Variants in ZAN observed in about 807,000 individuals in gnomAD.
The protein encoded by ZAN is zonadhesin (gene/pseudogene).
In ZAN, 260 loss-of-function variants were observed where a neutral mutation model predicts 286.2. The observed-to-expected ratio is 0.91, with a 90% CI of 0.82 to 1.01. The LOEUF (loss-of-function observed/expected upper bound fraction) is 1.01. Among genes scored for constraint, ZAN ranks in the 50% least tolerant of loss-of-function variants. The probability of loss-of-function intolerance (pLI) is 0.00; values close to 1 mark genes in which losing one functional copy is unlikely to be tolerated. For missense variants in ZAN, 3,410 were observed against 3,639.2 expected (o/e 0.94, Z 1.62); for synonymous variants, 1,368 against 1,417.5 (o/e 0.97, Z 0.79).
At chr7:100,755,161 G>T in intron 14 of ZAN, 65 bp from the exon 15 acceptor site, 1 of 1,514,960 alleles carries the variant, frequency 6.6e-7, no homozygotes, top group Non-Finnish European at 8.9e-7. Flanking sequence ...GGGTAGAGGA[G>T]AGACAGGGAG....
chr7:100,795,480 C>T (rs1812302829), intron 45 of ZAN, 144 bp downstream of exon 45: 4 of 780,014 alleles, frequency 5.1e-6, no homozygotes, highest in Non-Finnish European at 6.6e-6. Flanking sequence ...ATAAACATAA[C>T]AATTTGTAGC....
chr7:100,745,234 C>T (rs1455655619), intron 7 of ZAN, among the ~76,000 whole-genome samples: 6 of 151,666 alleles, frequency 4.0e-5, no homozygotes, highest in African/African-American at 7.3e-5. Flanking sequence ...CCTTTCCCTT[C>T]CCTCTTCCTT....
At chr7:100,784,176 C>A (rs531037780) in intron 35 of ZAN, among the ~76,000 whole-genome samples, 31 of 144,670 alleles carry the variant, frequency 2.1e-4, no homozygotes, top group Non-Finnish European at 4.2e-4. Context: ...GTTGCCCAGG[C>A]TGGAGTGCAG....
At position 100,758,636 on chromosome 7, in the gene ZAN, G is replaced by A; in HGVS notation, c.3557G>A (p.Cys1186Tyr). The A allele has an allele frequency of 3.9e-6, 6 of 1,555,408 alleles. No individual in the cohort carries two copies. In the South Asian group the frequency reaches 7.1e-5, roughly 18 times the overall value. ...TGCACTTACATCTTGGCCCAGCCCT[G>A]TGGCAACTCAACAGGTAGGCCCTGG... Reference protein sequence around the residue: ...GKCTYILAQPCGNSTDPFFRV... With the variant: ...GKCTYILAQPYGNSTDPFFRV... Residue 1186 changes from cysteine to tyrosine, a missense_variant, in exon 17 of 48, where the codon TGT becomes TAT. This residue lies in a region of ZAN where 1,042 missense variants were observed against 1,058.0 expected (regional missense o/e 0.98). Coordinates refer to ENST00000613979, the MANE Select transcript of ZAN (RefSeq NM_003386.3).
At chr7:100,782,022 T>C (rs991602305) in intron 35 of ZAN, among the ~76,000 whole-genome samples, 3 of 152,188 alleles carry the variant, frequency 2.0e-5, no homozygotes, top group Non-Finnish European at 2.9e-5. Context: ...ACCCTTTGAA[T>C]TTCCCTTTCT....
At chr7:100,775,232 T>A (rs939854692) in intron 31 of ZAN, 96 bp from the exon 32 acceptor site, 8 of 1,493,876 alleles carry the variant, frequency 5.4e-6, no homozygotes, top group Middle Eastern at 2.0e-4. Context: ...GTCTTGACTC[T>A]TTTCTGGAAG....
intron 45 of ZAN, among the ~76,000 whole-genome samples, chr7:100,796,005 G>A (rs559161174): frequency 9.2e-5 from 14 of 152,074 alleles, no homozygotes; most frequent in South Asian, 6.2e-4. Flanking sequence ...GCTTGAACCC[G>A]GGAGGCAGAG....
chr7:100,789,128 A>G, intron 38 of ZAN, 90 bp from the exon 39 acceptor site: 1 of 1,520,086 alleles, frequency 6.6e-7, no homozygotes, highest in Admixed American at 2.1e-5. Context: ...AGACATATGG[A>G]GATGACTGGG....
intron 40 of ZAN, 87 bp downstream of exon 40, chr7:100,791,200 G>C: frequency 6.7e-7 from 1 of 1,482,416 alleles, no homozygotes; most frequent in Non-Finnish European, 9.0e-7. Flanking sequence ...CTCAGGAGAG[G>C]ATGAAACTCC....
At chr7:100,770,418 C>T (rs772990191) in intron 28 of ZAN, among the ~76,000 whole-genome samples, 6 of 149,084 alleles carry the variant, frequency 4.0e-5, no homozygotes, top group African/African-American at 1.5e-4. Flanking sequence ...GCAGAAGAAT[C>T]GCTTTAACCT....
chr7:100,748,703 A>G (rs1363552874), intron 11 of ZAN, among the ~76,000 whole-genome samples: 1 of 152,074 alleles, frequency 6.6e-6, no homozygotes, highest in Non-Finnish European at 1.5e-5. Context: ...ATCTCACTTC[A>G]TGGAGCCCAA....
chr7:100,768,142 G>C, intron 26 of ZAN, 131 bp downstream of exon 26: 1 of 1,219,424 alleles, frequency 8.2e-7, no homozygotes, highest in Non-Finnish European at 1.1e-6. Context: ...AGGACATTAG[G>C]CATGAAGGTA....
At position 100,779,601 on chromosome 7, in the gene ZAN, A is replaced by T. The variant is rs774561601; in HGVS notation, c.6473A>T (p.Asp2158Val). 1 of 1,607,744 alleles carries T rather than the reference A, an allele frequency of 6.2e-7. No homozygotes were observed. Among genetic ancestry groups the T allele is most frequent in the South Asian group, 1.1e-5 (1 of 89,924 alleles). Residue 2158 changes from aspartate (D) to valine (V), a missense_variant, in exon 35 of 48, where the codon GAC (aspartate) becomes GTC (valine). Coordinates refer to ENST00000613979, the MANE Select transcript of ZAN (RefSeq NM_003386.3). ...TGGGCCCAGTGCGCCTCCCGCATAG[A>T]CCTCACGCCCTTCCTGGTGGACTGT... ...PVWAQCASRI[D>V]LTPFLVDCAN...
chr7:100,750,727 A>G lies in ZAN; in HGVS notation c.1352A>G (p.Glu451Gly), dbSNP rs747531422. 26 of 1,612,950 alleles carry G rather than the reference A, an allele frequency of 1.6e-5. No individual in the cohort carries two copies. Among genetic ancestry groups the G allele is most frequent in the Non-Finnish European group, 5.9e-6 (7 of 1,179,592 alleles). ...TGCGCCCCAGGTGACATCTGCGTGG[A>G]GTTCGCATACCACATGTATGGCCTT... ...PFCAPGDICV[E>G]FAYHMYGLGE... Residue 451 changes from glutamate to glycine, a missense_variant, in exon 12 of 48, where the codon GAG (glutamate) becomes GGG (glycine). Around this residue, in one of 7 missense-constraint regions of ZAN, gnomAD observed 872 missense variants for 938.9 expected, o/e 0.93. Coordinates refer to ENST00000613979, the MANE Select transcript of ZAN (RefSeq NM_003386.3).
At position 100,773,935 on chromosome 7, in the gene ZAN, C is replaced by T. The variant is rs976793266; in HGVS notation, c.5779+70C>T. ...CACTCTCCCAACTCCCCAACAGACT[C>T]CCTGCTGCCTGTAGCACTGGGTTTC... On this transcript the variant is annotated intron_variant, in intron 31 of 47. Coordinates refer to ENST00000613979, the MANE Select transcript of ZAN (RefSeq NM_003386.3). 170 of 1,532,886 alleles carry T rather than the reference C, an allele frequency of 1.1e-4. No individual in the cohort carries two copies. In the Admixed American group the frequency reaches 1.4e-3, roughly 13 times the overall value. The allele number at this position is 1,532,886 out of a possible 1,614,324, so 95.0% of individuals were successfully genotyped here.
intron 17 of ZAN, among the ~76,000 whole-genome samples, chr7:100,758,990 G>A (rs1206124591): frequency 1.3e-5 from 2 of 152,136 alleles, no homozygotes; most frequent in East Asian, 1.9e-4. Flanking sequence ...TTGGGAAGCC[G>A]AGGTGGGGGG....
intron 8 of ZAN, 71 bp downstream of exon 8, chr7:100,746,773 C>T (rs1209879058): frequency 6.5e-7 from 1 of 1,529,726 alleles, no homozygotes; most frequent in South Asian, 1.2e-5. Flanking sequence ...GATGGGGAAA[C>T]ATGGGGCATC....
chr7:100,751,607 GGTGTGA>G (rs1457015709), intron 13 of ZAN, 99 bp from the exon 14 acceptor site: 22 of 1,246,754 alleles, frequency 1.8e-5, no homozygotes, highest in Non-Finnish European at 2.1e-5. Context: ...TAGAAAGAGA[GGTGTGA>G]ATAAGCCACC....
At chr7:100,778,889 C>T (rs751919122) in intron 34 of ZAN, among the ~76,000 whole-genome samples, 5 of 152,066 alleles carry the variant, frequency 3.3e-5, no homozygotes, top group East Asian at 1.9e-4. Flanking sequence ...AAAAACTAGC[C>T]GGTCATGGTG....
Sources: gnomAD v4.1 joint callset for allele counts (sites outside exome capture counted in the v4.1 genomes callset) on GRCh38, gnomAD v4.1.1 for gene constraint, gnomAD v4.1.1 regional missense constraint, MANE v1.5 for transcripts, NCBI Gene and HGNC (gene_info 2026-07-23, HGNC 2026-07-21) for gene names.